The following FOXF2 variants were observed in gnomAD, a reference collection of about 807,000 sequenced individuals.
The protein encoded by FOXF2 is forkhead box protein F2.
A neutral mutation model predicts 29.1 loss-of-function variants in FOXF2; 15 were observed. The observed-to-expected ratio is 0.52, with a 90% CI of 0.35 to 0.79. The LOEUF (loss-of-function observed/expected upper bound fraction) is 0.79. FOXF2 is among the 30% of genes least tolerant of loss of function. The probability of loss-of-function intolerance (pLI) is 0.01; values close to 1 mark genes in which losing one functional copy is unlikely to be tolerated. For missense variants in FOXF2, 675 were observed against 667.1 expected (o/e 1.01, Z -0.13); for synonymous variants, 337 against 316.5 (o/e 1.06, Z -0.69).
At chr6:1,391,407 A>G (rs1333737531) in intron 1 of FOXF2, among the ~76,000 whole-genome samples, 3 of 152,266 alleles carry the variant, frequency 2.0e-5, no homozygotes, top group Non-Finnish European at 2.9e-5. Flanking sequence ...ATCCCTGTGC[A>G]GGAGACTGCA....
Position 1,390,591 on chromosome 6 carries a change from G to T in FOXF2, c.644G>T (p.Gly215Val). The change falls in exon 1 of 2, where the codon GGC (glycine) becomes GTC (valine). Residue 215 changes from glycine (G) to valine (V), a missense_variant. Transcript: ENST00000645481. The surrounding 1 kb of genome is among the most constrained non-coding windows in gnomAD (Gnocchi z 8.5). ...PMYHRVVSGL[G>V]FGASLLPQGF... ...TACCACCGCGTGGTGAGCGGCTTGG[G>T]CTTCGGGGCGTCGCTGCTGCCCCAG... 1 of 1,597,274 alleles carries T rather than the reference G, an allele frequency of 6.3e-7. No individual in the cohort carries two copies.
At chr6:1,394,355 G>C (rs1417137199) in intron 1 of FOXF2, among the ~76,000 whole-genome samples, 1 of 152,130 alleles carries the variant, frequency 6.6e-6, no homozygotes, top group Non-Finnish European at 1.5e-5. Flanking sequence ...CCAGAGTCTG[G>C]GTCTAGTTGT....
rs1409425612 is a variant in FOXF2 at position 1,390,871 on chromosome 6, C to T, written c.924C>T (p.Tyr308=). 1.3e-6 allele frequency: 2 copies of T among 1,490,150 alleles called. No individual in the cohort carries two copies. The highest frequency in any genetic ancestry group is 2.2e-5 in the Admixed American group (1 of 44,682). The allele number at this position is 1,490,150 out of a possible 1,614,324, so 92.3% of individuals were successfully genotyped here. A position where few individuals can be genotyped will look rare whatever the true frequency, so the allele number is the denominator to read the frequency against. ...CCGGGGGCGGCGGCGGCGGCGACTA[C>T]GGGCCGGACAGCAGCAGCAGCCCGG... ...GAAGGGGGGD[Y]GPDSSSSPVP... Residue 308 remains tyrosine, a synonymous_variant, in exon 1 of 2, where the codon TAC becomes TAT. Coordinates refer to ENST00000645481, the MANE Select transcript of FOXF2 (RefSeq NM_001452.2). This position sits in a 1 kb window ranked among gnomAD's most constrained non-coding sequence, Gnocchi z 8.5.
Position 1,395,489 on chromosome 6 carries a change from A to C in FOXF2, c.*630A>C, listed in dbSNP as rs1758907419. The C allele has an allele frequency of 6.5e-6, 1 of 153,112 alleles. No homozygotes were observed. Among genetic ancestry groups the C allele is most frequent in the Non-Finnish European group, 1.5e-5 (1 of 68,402 alleles). The allele number at this position is 153,112 out of a possible 1,614,324, so 9.5% of individuals were successfully genotyped here. ...GATATTTTTATGACCGTGTATACTC[A>C]CACTTTGCTTGTATTTTAAAAGGAG... On this transcript the variant is annotated 3_prime_UTR_variant, in exon 2 of 2. Transcript: ENST00000645481.
chr6:1,391,204 G>A, intron 1 of FOXF2, 86 bp downstream of exon 1: 1 of 1,567,734 alleles, frequency 6.4e-7, no homozygotes, highest in East Asian at 2.3e-5. Context: ...CCCACAAACA[G>A]GGACCCCGAA....
In FOXF2 at chr6:1,389,726, G is replaced by A. The variant is rs1189820272; in HGVS notation, c.-222G>A. The A allele has an allele frequency of 6.6e-6, 1 of 151,624 alleles. No individual in the cohort carries two copies. The highest frequency in any genetic ancestry group is 1.5e-5 in the Non-Finnish European group (1 of 68,312). The allele number at this position is 151,624 out of a possible 1,614,324, so 9.4% of individuals were successfully genotyped here. A position where few individuals can be genotyped will look rare whatever the true frequency, so the allele number is the denominator to read the frequency against. ...AAGGCAGGGCCCGCGGCTCGGGGAG[G>A]GATGCGCCGGGCGTTGCCTCCCGCC... On this transcript the variant is annotated 5_prime_UTR_variant, in exon 1 of 2. Coordinates refer to ENST00000645481, the MANE Select transcript of FOXF2 (RefSeq NM_001452.2).
Position 1,394,989 on chromosome 6 carries a change from T to C in FOXF2, c.*130T>C. The C allele has an allele frequency of 1.1e-6, 1 of 932,108 alleles. No individual in the cohort carries two copies. 57.7% of individuals were successfully genotyped at this position (932,108 alleles called of 1,614,324 possible). On this transcript the variant is annotated 3_prime_UTR_variant, in exon 2 of 2. Transcript: ENST00000645481. The stretch of plus-strand genomic sequence containing the variant: ...CCACACACCTGCCACTTAGCCAGAA[T>C]GCCCAGGATCGCGTTGGTCACTGTT...
chr6:1,393,914 C>T (rs1415914371), intron 1 of FOXF2, among the ~76,000 whole-genome samples: 3 of 152,234 alleles, frequency 2.0e-5, no homozygotes, highest in Non-Finnish European at 4.4e-5. Context: ...CGGTGCAGGC[C>T]GGGGACCGGG....
chr6:1,393,433 G>A (rs1193997916), intron 1 of FOXF2, among the ~76,000 whole-genome samples: 1 of 151,980 alleles, frequency 6.6e-6, no homozygotes, highest in Admixed American at 6.5e-5. Flanking sequence ...ATCAGAACTT[G>A]CTTTAACGCG....
chr6:1,391,621 T>C (rs1052651952), intron 1 of FOXF2, among the ~76,000 whole-genome samples: 2 of 151,756 alleles, frequency 1.3e-5, no homozygotes, highest in Non-Finnish European at 2.9e-5. Context: ...GCTGGGCAAG[T>C]GTTAAGAGGA....
In FOXF2 at chr6:1,390,754, C is replaced by G. The variant is rs1758768560; in HGVS notation, c.807C>G (p.His269Gln). The change falls in exon 1 of 2, where the codon CAC (histidine) becomes CAG (glutamine). Residue 269 changes from histidine (H) to glutamine (Q), a missense_variant. Around this residue, in one of 3 missense-constraint regions of FOXF2, gnomAD observed 451 missense variants for 437.2 expected, o/e 1.03. Transcript: ENST00000645481. The surrounding 1 kb of genome is among the most constrained non-coding windows in gnomAD (Gnocchi z 8.5). The stretch of plus-strand genomic sequence containing the variant: ...GCCACGCGCACCCTCACCACCACCA[C>G]CACCACCACGTCCCGCACATGTCGC... ...APSHAHPHHH[H>Q]HHHVPHMSPN... 1 of 1,410,472 alleles carries G rather than the reference C, an allele frequency of 7.1e-7. No homozygotes were observed. Among genetic ancestry groups the G allele is most frequent in the African/African-American group, 1.5e-5 (1 of 66,030 alleles). The allele number at this position is 1,410,472 out of a possible 1,614,324, so 87.4% of individuals were successfully genotyped here. A position where few individuals can be genotyped will look rare whatever the true frequency, so the allele number is the denominator to read the frequency against.
chr6:1,392,464 A>T (rs1327551069), intron 1 of FOXF2, among the ~76,000 whole-genome samples: 1 of 149,110 alleles, frequency 6.7e-6, no homozygotes, highest in Non-Finnish European at 1.5e-5. Context: ...ACACACACAC[A>T]CACACACACA....
intron 1 of FOXF2, among the ~76,000 whole-genome samples, chr6:1,392,588 G>T (rs1347897047): frequency 6.6e-6 from 1 of 151,690 alleles, no homozygotes; most frequent in African/African-American, 2.4e-5. Context: ...CACTCAACTT[G>T]AACCCGGACT....
Position 1,390,034 on chromosome 6 carries a change from CCCGCCGCCCGCCGCCG to C in FOXF2, c.96_111del (p.Ala33ProfsTer84), listed in dbSNP as rs1758741710. The C allele has an allele frequency of 7.4e-7, 1 of 1,353,580 alleles. No individual in the cohort carries two copies. The highest frequency in any genetic ancestry group is 1.6e-5 in the South Asian group (1 of 63,968). The allele number at this position is 1,353,580 out of a possible 1,614,324, so 83.8% of individuals were successfully genotyped here. A position where few individuals can be genotyped will look rare whatever the true frequency, so the allele number is the denominator to read the frequency against. On this transcript the variant is annotated frameshift_variant, in exon 1 of 2. Coordinates refer to ENST00000645481, the MANE Select transcript of FOXF2 (RefSeq NM_001452.2). LOFTEE classifies it high-confidence loss of function. The surrounding 1 kb of genome is among the most constrained non-coding windows in gnomAD (Gnocchi z 8.5). ...GCGCGCTCCAGGCCGCCCTGATGAG[CCCGCCGCCCGCCGCCG>C]CCGCCGCCGCCGCCGCCGCCCCGGA...
At chr6:1,394,547 C>T in intron 1 of FOXF2, 149 bp from the exon 2 acceptor site, 1 of 726,544 alleles carries the variant, frequency 1.4e-6, no homozygotes, top group South Asian at 1.6e-5. Context: ...GTTTGAGCTA[C>T]TTCTAAAGCT....
chr6:1,393,113 A>G (rs529030995), intron 1 of FOXF2, among the ~76,000 whole-genome samples: 1 of 151,954 alleles, frequency 6.6e-6, no homozygotes, highest in African/African-American at 2.4e-5. Flanking sequence ...GGGGTGGCCA[A>G]GGCAGTCTCC....
intron 1 of FOXF2, among the ~76,000 whole-genome samples, chr6:1,392,137 C>T (rs1048083380): frequency 6.6e-6 from 1 of 152,152 alleles, no homozygotes; most frequent in African/African-American, 2.4e-5. Flanking sequence ...GTGATGCATG[C>T]TTTATGTGTT....
rs1220655936 is a variant in FOXF2, at chr6:1,390,190, G to A, written c.243G>A (p.Ala81=). 1 of 1,472,452 alleles carries A rather than the reference G, an allele frequency of 6.8e-7. No homozygotes were observed. The highest frequency in any genetic ancestry group is 9.0e-7 in the Non-Finnish European group (1 of 1,113,868). 91.2% of individuals were successfully genotyped at this position (1,472,452 alleles called of 1,614,324 possible). Residue 81 remains alanine (A), a synonymous_variant, in exon 1 of 2, where the codon GCG becomes GCA. Transcript: ENST00000645481. The surrounding 1 kb of genome is among the most constrained non-coding windows in gnomAD (Gnocchi z 8.5). ...AACKSAGGGG[A]GAGSGGAKKA... is the part of the protein sequence containing the mutation. ...GCAAGAGCGCGGGCGGCGGCGGCGC[G>A]GGCGCCGGGAGCGGGGGCGCCAAGA... is the stretch of plus-strand genomic sequence containing the variant.
chr6:1,393,207 C>T (rs1481169505), intron 1 of FOXF2, among the ~76,000 whole-genome samples: 2 of 152,044 alleles, frequency 1.3e-5, no homozygotes, highest in Admixed American at 6.5e-5. Flanking sequence ...GCCGCGCCCT[C>T]CGCTCCTGGG....
Sources: gnomAD v4.1 joint callset for allele counts (sites outside exome capture counted in the v4.1 genomes callset) on GRCh38, gnomAD v4.1.1 for gene constraint, gnomAD v4.1.1 regional missense constraint, Gnocchi (gnomAD v3.1) non-coding constraint, MANE v1.5 for transcripts, NCBI Gene and HGNC (gene_info 2026-07-23, HGNC 2026-07-21) for gene names.